Variants in AGBL4 observed in about 807,000 individuals in gnomAD.
The protein encoded by AGBL4 is AGBL carboxypeptidase 4.
In AGBL4, 58 loss-of-function variants were observed where a neutral mutation model predicts 66.4. The observed-to-expected ratio is 0.87, with a 90% CI of 0.71 to 1.09. AGBL4 has a LOEUF of 1.09. AGBL4 is among the 50% of genes least tolerant of loss of function. AGBL4 has a pLI of 0.00. For synonymous variants in AGBL4, 234 were observed against 222.9 expected (o/e 1.05, Z -0.44); for missense variants, 579 against 631.0 (o/e 0.92, Z 0.88).
At chr1:49,592,046 A>C (rs1283394649) in intron 3 of AGBL4, among the ~76,000 whole-genome samples, 1 of 152,222 alleles carries the variant, frequency 6.6e-6, no homozygotes, top group African/African-American at 2.4e-5. Context: ...TTCATGATGA[A>C]GACTCCAAAA....
intron 3 of AGBL4, among the ~76,000 whole-genome samples, chr1:49,489,742 C>T (rs1647148790): frequency 6.6e-6 from 1 of 151,768 alleles, no homozygotes; most frequent in Admixed American, 6.6e-5. Context: ...TTTTATTCTT[C>T]TACATATGGA....
chr1:49,886,368 T>C (rs779625214), intron 1 of AGBL4, among the ~76,000 whole-genome samples: 3 of 152,064 alleles, frequency 2.0e-5, no homozygotes, highest in Non-Finnish European at 4.4e-5. Flanking sequence ...AAGAAGATTA[T>C]GCACGGAGGA....
chr1:49,577,589 G>A (rs1384515959), intron 3 of AGBL4, among the ~76,000 whole-genome samples: 2 of 152,268 alleles, frequency 1.3e-5, no homozygotes, highest in Non-Finnish European at 1.5e-5. Context: ...TATCCTGCAC[G>A]CAATGCTTCT....
At chr1:49,778,053 C>T (rs1644242630) in intron 2 of AGBL4, among the ~76,000 whole-genome samples, 1 of 152,072 alleles carries the variant, frequency 6.6e-6, no homozygotes, top group South Asian at 2.1e-4. Context: ...TCTCATTTTC[C>T]CCAAAGCTTC....
intron 3 of AGBL4, among the ~76,000 whole-genome samples, chr1:49,653,519 T>G (rs1646051969): frequency 6.6e-6 from 1 of 151,554 alleles, no homozygotes; most frequent in African/African-American, 2.4e-5. Flanking sequence ...ATAACAAACT[T>G]TACTAGCTAA....
At chr1:49,843,212 G>A (rs1646045187) in intron 2 of AGBL4, among the ~76,000 whole-genome samples, 2 of 152,020 alleles carry the variant, frequency 1.3e-5, no homozygotes, top group Non-Finnish European at 2.9e-5. Context: ...CAGCAACCTC[G>A]ACCTTCTGGG....
At chr1:48,902,207 A>G (rs888984650) in intron 5 of AGBL4, among the ~76,000 whole-genome samples, 1 of 152,220 alleles carries the variant, frequency 6.6e-6, no homozygotes, top group Non-Finnish European at 1.5e-5. Context: ...CAGTGTATAC[A>G]TATGCCAAAA....
At chr1:49,320,648 G>A (rs940126725) in intron 3 of AGBL4, among the ~76,000 whole-genome samples, 6 of 152,170 alleles carry the variant, frequency 3.9e-5, no homozygotes, top group Non-Finnish European at 8.8e-5. Flanking sequence ...TCAATAAACT[G>A]AGAGACACCC....
chr1:49,054,093 T>C (rs773233202), intron 4 of AGBL4, among the ~76,000 whole-genome samples: 1 of 152,140 alleles, frequency 6.6e-6, no homozygotes, highest in Non-Finnish European at 1.5e-5. Context: ...TAACTTCTGA[T>C]GTCTGGCTTA....
At chr1:49,811,050 G>C (rs1645090757) in intron 2 of AGBL4, among the ~76,000 whole-genome samples, 1 of 152,140 alleles carries the variant, frequency 6.6e-6, no homozygotes, top group South Asian at 2.1e-4. Flanking sequence ...AGTTAAGTGG[G>C]AGAAGAGCTT....
chr1:49,872,159 AT>A (rs990609866), intron 1 of AGBL4, among the ~76,000 whole-genome samples: 14 of 152,090 alleles, frequency 9.2e-5, no homozygotes, highest in East Asian at 3.9e-4. Flanking sequence ...AGTCAAGAAA[AT>A]TTTTTTAAGC....
intron 3 of AGBL4, among the ~76,000 whole-genome samples, chr1:49,438,992 G>A (rs915725250): frequency 2.0e-5 from 3 of 152,110 alleles, no homozygotes; most frequent in Non-Finnish European, 4.4e-5. Context: ...GAGCTCTCAT[G>A]GCCTAATCAT....
At chr1:48,562,251 T>C (rs1160061543) in intron 11 of AGBL4, among the ~76,000 whole-genome samples, 2 of 152,170 alleles carry the variant, frequency 1.3e-5, no homozygotes, top group Non-Finnish European at 2.9e-5. Flanking sequence ...TCCCCTAAGA[T>C]ATGGGAAAGA....
chr1:48,999,873 C>A (rs941266295), intron 5 of AGBL4, among the ~76,000 whole-genome samples: 1 of 152,078 alleles, frequency 6.6e-6, no homozygotes, highest in Non-Finnish European at 1.5e-5. Context: ...TGCCACCTTC[C>A]AGCATCAACA....
intron 1 of AGBL4, among the ~76,000 whole-genome samples, chr1:49,858,771 C>A (rs1162634749): frequency 1.3e-5 from 2 of 152,140 alleles, no homozygotes; most frequent in Non-Finnish European, 2.9e-5. Context: ...AATCCCAGCA[C>A]TTTGGGAGGC....
intron 3 of AGBL4, among the ~76,000 whole-genome samples, chr1:49,376,927 A>C (rs1644484058): frequency 6.6e-6 from 1 of 152,118 alleles, no homozygotes; most frequent in African/African-American, 2.4e-5. Context: ...AGAATATTTT[A>C]AGTGTTCAAT....
intron 2 of AGBL4, among the ~76,000 whole-genome samples, chr1:49,739,866 A>G (rs1161358574): frequency 6.6e-6 from 1 of 152,172 alleles, no homozygotes; most frequent in Non-Finnish European, 1.5e-5. Context: ...AGATTTTGTC[A>G]CCACCAGGCC....
intron 3 of AGBL4, among the ~76,000 whole-genome samples, chr1:49,330,374 G>A (rs938539356): frequency 2.0e-5 from 3 of 152,092 alleles, no homozygotes; most frequent in Non-Finnish European, 4.4e-5. Flanking sequence ...CCAAGATGGC[G>A]CTCCACTCTG....
chr1:49,773,766 C>T (rs953193452), intron 2 of AGBL4, among the ~76,000 whole-genome samples: 20 of 152,296 alleles, frequency 1.3e-4, no homozygotes, highest in Admixed American at 5.9e-4. Flanking sequence ...CCCTCTCCAA[C>T]GGAGTGGTGC....
Sources: gnomAD v4.1 joint callset for allele counts (sites outside exome capture counted in the v4.1 genomes callset) on GRCh38, gnomAD v4.1.1 for gene constraint, MANE v1.5 for transcripts, NCBI Gene and HGNC (gene_info 2026-07-23, HGNC 2026-07-21) for gene names.